Variants in SND1 observed in about 807,000 individuals in gnomAD.
SND1 encodes the protein staphylococcal nuclease domain-containing protein 1.
Under a neutral mutation model 121.7 loss-of-function variants are expected in SND1, and 38 were observed. That is an observed-to-expected ratio of 0.31 (90% CI 0.24 to 0.41). The LOEUF (loss-of-function observed/expected upper bound fraction) is 0.41, where lower values mean the gene tolerates loss of function less well. SND1 is among the 10% of genes least tolerant of loss of function. The probability of loss-of-function intolerance (pLI) is 1.00; values close to 1 mark genes in which losing one functional copy is unlikely to be tolerated. For missense variants in SND1, 868 were observed against 1,184.6 expected, an observed-to-expected ratio of 0.73 and a Z score of 3.92; for synonymous variants, 401 against 447.4, an observed-to-expected ratio of 0.90 and a Z score of 1.31.
chr7:128,041,388 C>G (rs563766731), intron 16 of SND1, among the ~76,000 whole-genome samples: 1 of 152,180 alleles, frequency 6.6e-6, no homozygotes, highest in Non-Finnish European at 1.5e-5. Context: ...CATCAAACAA[C>G]CAATGGGTGA....
chr7:127,946,434 A>G (rs1801332837), intron 15 of SND1, among the ~76,000 whole-genome samples: 1 of 152,206 alleles, frequency 6.6e-6, no homozygotes, highest in African/African-American at 2.4e-5. Context: ...ATAAAAGACC[A>G]AGCAACTTGC....
intron 10 of SND1, among the ~76,000 whole-genome samples, chr7:127,744,160 A>T (rs1170816941): frequency 1.3e-5 from 2 of 152,152 alleles, no homozygotes; most frequent in East Asian, 3.9e-4. Context: ...CTTTGCAATT[A>T]ACACTGATTT....
intron 3 of SND1, 27 bp downstream of exon 3, chr7:127,694,975 C>T (rs1327989837): frequency 6.2e-7 from 1 of 1,603,202 alleles, no homozygotes; most frequent in East Asian, 2.2e-5. Context: ...GGACTCATTT[C>T]TCTCAAGTCT....
At chr7:127,794,174 T>C (rs1421037338) in intron 10 of SND1, among the ~76,000 whole-genome samples, 1 of 152,194 alleles carries the variant, frequency 6.6e-6, no homozygotes, top group Non-Finnish European at 1.5e-5. Flanking sequence ...ACAGGCCTCA[T>C]TTTACTGAAT....
At chr7:127,941,627 T>A (rs1158031415) in intron 15 of SND1, among the ~76,000 whole-genome samples, 1 of 152,204 alleles carries the variant, frequency 6.6e-6, no homozygotes, top group Non-Finnish European at 1.5e-5. Context: ...TCTCTGTGTG[T>A]GTTTTGGATG....
chr7:127,922,189 T>TTTTTTTTTTTTTTTTTTTTG (rs1800726194), intron 14 of SND1, among the ~76,000 whole-genome samples: 7 of 95,518 alleles, frequency 7.3e-5, no homozygotes, highest in African/African-American at 2.6e-4. Flanking sequence ...TTTTTTTTTT[T>TTTTTTTTTTTTTTTTTTTTG]TTTTTTTTTT....
chr7:127,803,437 A>G lies in SND1; in HGVS notation c.1153-4047A>G, dbSNP rs146813437. 3.9e-3 allele frequency among the ~76,000 whole-genome samples: 599 copies of G among 152,196 alleles called. 2 individuals are homozygous for G. The highest frequency in any genetic ancestry group is 6.4e-3 in the Admixed American group (98 of 15,294). ...AATTTTAGTGGAGCCACACATTTCA[A>G]CCTTTTTTAAATATATAATTTGTTA... is the stretch of plus-strand genomic sequence containing the variant. On this transcript the variant is annotated intron_variant, in intron 10 of 23. Coordinates refer to ENST00000354725, the MANE Select transcript of SND1 (RefSeq NM_014390.4).
chr7:127,978,947 A>C lies in SND1; in HGVS notation c.1670-12000A>C, dbSNP rs540343001. ...GGTGATCCACCCACCTCAGCCTCCC[A>C]AAGTGCTGGGATTACAGACGTGAGC... On this transcript the variant is annotated intron_variant, in intron 15 of 23. Coordinates refer to ENST00000354725, the MANE Select transcript of SND1 (RefSeq NM_014390.4). Among the ~76,000 whole-genome samples, 264 of 152,020 alleles carry C rather than the reference A, an allele frequency of 1.7e-3. 1 individual carries two copies. The highest frequency in any genetic ancestry group is 6.1e-3 in the African/African-American group (254 of 41,456).
At chr7:127,943,433 CTG>C (rs1284755018) in intron 15 of SND1, among the ~76,000 whole-genome samples, 4 of 152,220 alleles carry the variant, frequency 2.6e-5, no homozygotes, top group Non-Finnish European at 5.9e-5. Context: ...TTACCTATCT[CTG>C]TATTTATCCT....
chr7:127,708,403 C>T (rs1796241358), intron 9 of SND1, among the ~76,000 whole-genome samples: 2 of 66,986 alleles, frequency 3.0e-5, no homozygotes, highest in Admixed American at 1.9e-4. Context: ...CCCTTCCTCC[C>T]TTCCTCCCTT....
intron 16 of SND1, among the ~76,000 whole-genome samples, chr7:128,022,008 A>G (rs928263136): frequency 6.6e-5 from 10 of 152,118 alleles, no homozygotes. Context: ...GTTTCAGACC[A>G]GCCTGGCCAG....
At chr7:127,895,319 G>A (rs2116746079) in intron 13 of SND1, among the ~76,000 whole-genome samples, 1 of 152,180 alleles carries the variant, frequency 6.6e-6, no homozygotes. Context: ...GGTACTGTTG[G>A]ATTTTTAGCT....
intron 20 of SND1, among the ~76,000 whole-genome samples, chr7:128,086,076 T>C: frequency 6.6e-6 from 1 of 152,228 alleles, no homozygotes; most frequent in Non-Finnish European, 1.5e-5. Flanking sequence ...GCAGGGCCTC[T>C]GTAGCACATG....
Position 128,021,892 on chromosome 7 carries a change from T to A in SND1, c.1779+30836T>A, listed in dbSNP as rs80310831. ...AATAATTAATTGAAGGGTATTTTTT[T>A]ATTAGTGGGGCTATAAGAAGGTAGG... On this transcript the variant is annotated intron_variant, in intron 16 of 23. Coordinates refer to ENST00000354725, the MANE Select transcript of SND1 (RefSeq NM_014390.4). 7.8e-3 allele frequency among the ~76,000 whole-genome samples: 1,193 copies of A among 152,234 alleles called. 17 individuals are homozygous for A. The highest frequency in any genetic ancestry group is 0.027 in the African/African-American group (1,117 of 41,554).
chr7:127,661,039 T>C (rs755300308), intron 1 of SND1, among the ~76,000 whole-genome samples: 5 of 152,102 alleles, frequency 3.3e-5, no homozygotes, highest in African/African-American at 4.8e-5. Flanking sequence ...CTGTACTGTT[T>C]GTAGTTGAAG....
At chr7:127,874,818 G>C (rs1799660949) in intron 12 of SND1, among the ~76,000 whole-genome samples, 1 of 152,064 alleles carries the variant, frequency 6.6e-6, no homozygotes, top group Non-Finnish European at 1.5e-5. Flanking sequence ...ATATAATTTA[G>C]CTAACATATT....
chr7:127,951,431 A>G (rs920600911), intron 15 of SND1, among the ~76,000 whole-genome samples: 2 of 152,214 alleles, frequency 1.3e-5, no homozygotes, highest in East Asian at 3.8e-4. Context: ...AGCCTTGGGA[A>G]ACAGGGAGTT....
chr7:127,928,149 ATAGAGCACACAGACTTTGTGT>A (rs1800879698), intron 14 of SND1: 1 of 152,208 alleles, frequency 6.6e-6, no homozygotes, highest in Non-Finnish European at 1.5e-5. Flanking sequence ...ACTCTGGAGG[ATAGAGCACACAGACTTTGTGT>A]TGATGCACCA....
chr7:127,955,926 C>T (rs1801581624), intron 15 of SND1, among the ~76,000 whole-genome samples: 1 of 152,228 alleles, frequency 6.6e-6, no homozygotes, highest in African/African-American at 2.4e-5. Context: ...CCACATTCCC[C>T]CACCATCCGC....
Sources: gnomAD v4.1 joint callset for allele counts (sites outside exome capture counted in the v4.1 genomes callset) on GRCh38, gnomAD v4.1.1 for gene constraint, MANE v1.5 for transcripts, NCBI Gene and HGNC (gene_info 2026-07-23, HGNC 2026-07-21) for gene names.